The following SLC22A4 variants were observed in gnomAD, a reference collection of about 807,000 sequenced individuals.
The protein encoded by SLC22A4 is ET transporter.
Under a neutral mutation model 56.6 loss-of-function variants are expected in SLC22A4, and 39 were observed. That is an observed-to-expected ratio of 0.69 (90% CI 0.53 to 0.90). The LOEUF is 0.90. Ranked by LOEUF, SLC22A4 falls within the 40% of genes least tolerant of loss-of-function variation. The pLI is 0.00. For missense variants in SLC22A4, 594 were observed against 696.5 expected (o/e 0.85, Z 1.66); for synonymous variants, 241 against 281.4 (o/e 0.86, Z 1.44).
chr5:132,295,339 C>T (rs1749757630), intron 1 of SLC22A4: 1 of 558,158 alleles, frequency 1.8e-6, no homozygotes, highest in Admixed American at 2.2e-5. Context: ...CCCAGACGCA[C>T]TGCCTGAGTC....
chr5:132,330,193 A>G (rs1750815686), intron 5 of SLC22A4, among the ~76,000 whole-genome samples: 1 of 152,172 alleles, frequency 6.6e-6, no homozygotes, highest in African/African-American at 2.4e-5. Context: ...GGACACTCAC[A>G]TTTGGAGAGG....
intron 1 of SLC22A4, among the ~76,000 whole-genome samples, chr5:132,304,585 C>T (rs575146034): frequency 7.6e-4 from 115 of 152,184 alleles, no homozygotes; most frequent in Non-Finnish European, 1.3e-3. Flanking sequence ...CCACTGTACT[C>T]TAGCTTGGGC....
intron 1 of SLC22A4, among the ~76,000 whole-genome samples, chr5:132,311,131 G>A (rs113526568): frequency 2.6e-4 from 40 of 152,326 alleles, no homozygotes; most frequent in African/African-American, 9.1e-4. Flanking sequence ...GGAGTTGTGA[G>A]GATTCAGAAG....
chr5:132,338,736 C>T (rs180923305), intron 8 of SLC22A4, among the ~76,000 whole-genome samples: 91 of 152,336 alleles, frequency 6.0e-4, no homozygotes, highest in Middle Eastern at 3.4e-3. Flanking sequence ...GACTCACCAG[C>T]GGTCAGAGTT....
At chr5:132,323,124 TCTCA>T (rs966941466) in intron 4 of SLC22A4, among the ~76,000 whole-genome samples, 8 of 152,180 alleles carry the variant, frequency 5.3e-5, no homozygotes, top group Non-Finnish European at 1.2e-4. Context: ...TCTGTCTCTC[TCTCA>T]TTCTCTTTCT....
chr5:132,337,443 T>C (rs1484804574), intron 8 of SLC22A4, among the ~76,000 whole-genome samples: 2 of 148,268 alleles, frequency 1.3e-5, no homozygotes, highest in East Asian at 3.9e-4. Context: ...CCCAGCTAAT[T>C]TTTTTTTTTT....
At chr5:132,300,275 G>T (rs370173857) in intron 1 of SLC22A4, among the ~76,000 whole-genome samples, 1 of 152,076 alleles carries the variant, frequency 6.6e-6, no homozygotes, top group Non-Finnish European at 1.5e-5. Flanking sequence ...TTGTCAAGTT[G>T]GTGTCTGTGG....
chr5:132,328,836 T>C (rs199537349), intron 5 of SLC22A4, among the ~76,000 whole-genome samples: 72,658 of 138,734 alleles, frequency 0.52, 18,469 homozygotes, highest in African/African-American at 0.6. Flanking sequence ...TATATATATA[T>C]ATACACACAC....
chr5:132,295,768 T>G (rs1321437551), intron 1 of SLC22A4: 3 of 164,484 alleles, frequency 1.8e-5, no homozygotes, highest in African/African-American at 7.2e-5. Flanking sequence ...GATACACCTT[T>G]CTTCTGAGGA....
In SLC22A4 at chr5:132,306,443, AGTT is replaced by A. The variant is rs1237376748; in HGVS notation, c.394-5698_394-5696del. 8.3e-3 allele frequency among the ~76,000 whole-genome samples: 481 copies of A among 58,106 alleles called. 19 individuals are homozygous for A. Among genetic ancestry groups the A allele is most frequent in the African/African-American group, 0.032 (458 of 14,528 alleles). The allele number at this position is 58,106 out of a possible 152,430, so 38.1% of individuals were successfully genotyped here. On this transcript the variant is annotated intron_variant, in intron 1 of 9. Transcript: ENST00000200652. ...TATATATATATATATATATATATATAGTTGTTGTTGTTGTTGTTGTTGAGATGG... is the reference window on the plus strand; with the variant it reads ...TATATATATATATATATATATATATAGTTGTTGTTGTTGTTGTTGAGATGG...
chr5:132,311,229 A>G (rs1281773325), intron 1 of SLC22A4: 1 of 152,188 alleles, frequency 6.6e-6, no homozygotes, highest in Non-Finnish European at 1.5e-5. Flanking sequence ...TCCAGACTGG[A>G]TCATCTCGCC....
intron 3 of SLC22A4, among the ~76,000 whole-genome samples, chr5:132,321,870 T>C (rs1192535388): frequency 6.6e-6 from 1 of 152,048 alleles, no homozygotes; most frequent in Non-Finnish European, 1.5e-5. Flanking sequence ...ATCACGCCAC[T>C]GCACTGCAGC....
intron 1 of SLC22A4, chr5:132,311,672 A>G (rs1340862919): frequency 5.6e-6 from 1 of 179,354 alleles, no homozygotes; most frequent in Non-Finnish European, 1.2e-5. Flanking sequence ...AAAGTCACAG[A>G]GCTCCTGGAA....
At chr5:132,325,688 C>T (rs571459042) in intron 4 of SLC22A4, among the ~76,000 whole-genome samples, 93 of 152,284 alleles carry the variant, frequency 6.1e-4, no homozygotes, top group African/African-American at 2.1e-3. Flanking sequence ...TGCTCTTTGA[C>T]TTATAATGGG....
intron 4 of SLC22A4, among the ~76,000 whole-genome samples, chr5:132,324,295 T>C (rs1561542821): frequency 6.6e-6 from 1 of 152,048 alleles, no homozygotes; most frequent in Admixed American, 6.6e-5. Context: ...CAGAGATTAG[T>C]AGGGATGGGA....
chr5:132,313,725 G>A lies in SLC22A4; in HGVS notation c.609G>A (p.Val203=). ...WEMFTVLFVI[V]GMGQISNYVV... ...TGTTCACTGTGTTATTTGTCATCGTGGGCATGGGCCAGATCTCCAACTATG... is the reference window on the plus strand; with the variant it reads ...TGTTCACTGTGTTATTTGTCATCGTAGGCATGGGCCAGATCTCCAACTATG... Residue 203 remains valine, a synonymous_variant, in exon 3 of 10, where the codon GTG becomes GTA. Coordinates refer to ENST00000200652, the MANE Select transcript of SLC22A4 (RefSeq NM_003059.3). The A allele has an allele frequency of 6.2e-7, 1 of 1,614,188 alleles. No homozygotes were observed. The highest frequency in any genetic ancestry group is 8.5e-7 in the Non-Finnish European group (1 of 1,180,018).
intron 1 of SLC22A4, among the ~76,000 whole-genome samples, chr5:132,306,356 T>C (rs1750028446): frequency 8.2e-6 from 1 of 122,378 alleles, no homozygotes; most frequent in African/African-American, 3.0e-5. Context: ...GAACAGATCA[T>C]TGAAAACGTG....
chr5:132,322,472 G>A, intron 4 of SLC22A4, 117 bp downstream of exon 4: 1 of 1,006,936 alleles, frequency 9.9e-7, no homozygotes, highest in Non-Finnish European at 1.5e-6. Context: ...AACTCGCGGA[G>A]GCCAGCTTCC....
intron 6 of SLC22A4, among the ~76,000 whole-genome samples, chr5:132,332,768 G>C (rs1298266945): frequency 4.2e-5 from 4 of 96,266 alleles, no homozygotes; most frequent in African/African-American, 1.2e-4. Context: ...ACACACACAC[G>C]ATGATCGTCA....
Sources: gnomAD v4.1 joint callset for allele counts (sites outside exome capture counted in the v4.1 genomes callset) on GRCh38, gnomAD v4.1.1 for gene constraint, MANE v1.5 for transcripts, NCBI Gene and HGNC (gene_info 2026-07-23, HGNC 2026-07-21) for gene names.